DLG2: variants seen among roughly 807,000 people sequenced by gnomAD.
The protein encoded by DLG2 is disks large homolog 2.
Under a neutral mutation model 132.5 loss-of-function variants are expected in DLG2, and 45 were observed. The ratio of observed to expected loss-of-function variants is 0.34; its 90% CI spans 0.27 to 0.44. The LOEUF is 0.44. DLG2 is among the 20% of genes least tolerant of loss of function. The pLI, the probability that DLG2 is intolerant of heterozygous loss-of-function variation, is 1.00. For synonymous variants in DLG2, 424 were observed against 419.6 expected (o/e 1.01, Z -0.13); for missense variants, 1,045 against 1,196.9 (o/e 0.87, Z 1.87).
chr11:85,000,833 C>T (rs1307377946), intron 6 of DLG2, among the ~76,000 whole-genome samples: 2 of 152,054 alleles, frequency 1.3e-5, no homozygotes, highest in Non-Finnish European at 2.9e-5. Flanking sequence ...ATAAATTACA[C>T]GTGCAATTTT....
intron 6 of DLG2, among the ~76,000 whole-genome samples, chr11:84,974,099 G>A (rs2054520612): frequency 6.6e-6 from 1 of 152,158 alleles, no homozygotes; most frequent in Admixed American, 6.5e-5. Context: ...AAGTAGGAGA[G>A]GGAAAGCCAA....
intron 4 of DLG2, among the ~76,000 whole-genome samples, chr11:85,250,306 C>T (rs140707107): frequency 1.4e-4 from 22 of 152,254 alleles, no homozygotes; most frequent in Non-Finnish European, 2.8e-4. Context: ...CTTTGTCAAA[C>T]ATTTACTGTC....
At chr11:83,853,714 A>G (rs2060111241) in intron 16 of DLG2, among the ~76,000 whole-genome samples, 2 of 152,138 alleles carry the variant, frequency 1.3e-5, no homozygotes, top group Non-Finnish European at 2.9e-5. Flanking sequence ...GTAAACTAGG[A>G]ATAGGGGAAC....
intron 6 of DLG2, among the ~76,000 whole-genome samples, chr11:84,945,621 G>T (rs569143295): frequency 6.6e-6 from 1 of 152,284 alleles, no homozygotes; most frequent in South Asian, 2.1e-4. Flanking sequence ...CAGAAATCCA[G>T]CTAGGCTTAT....
chr11:84,139,404 GGAGGTA>G (rs2094743098), intron 9 of DLG2, among the ~76,000 whole-genome samples: 1 of 152,108 alleles, frequency 6.6e-6, no homozygotes, highest in Non-Finnish European at 1.5e-5. Flanking sequence ...AAAGAAATGT[GGAGGTA>G]GATGAATCTT....
At chr11:84,813,386 T>C (rs956032686) in intron 6 of DLG2, among the ~76,000 whole-genome samples, 2 of 152,046 alleles carry the variant, frequency 1.3e-5, no homozygotes, top group Non-Finnish European at 2.9e-5. Context: ...CCGGAGGAGA[T>C]AACTGAGGTA....
intron 6 of DLG2, among the ~76,000 whole-genome samples, chr11:84,737,520 G>A (rs1010504677): frequency 6.6e-6 from 1 of 151,808 alleles, no homozygotes; most frequent in Non-Finnish European, 1.5e-5. Context: ...GAGAGAGAGA[G>A]AGAGAGAATG....
chr11:83,695,469 G>A (rs1489626743), intron 18 of DLG2, among the ~76,000 whole-genome samples: 1 of 152,220 alleles, frequency 6.6e-6, no homozygotes, highest in Non-Finnish European at 1.5e-5. Flanking sequence ...CTAGCTGGGT[G>A]CAGTGGCTCA....
intron 21 of DLG2, among the ~76,000 whole-genome samples, chr11:83,503,427 A>AGATC (rs1240194672): frequency 3.1e-5 from 4 of 128,944 alleles, no homozygotes; most frequent in Non-Finnish European, 6.7e-5. Flanking sequence ...ATATATAGAT[A>AGATC]GATCTAATAG....
intron 18 of DLG2, among the ~76,000 whole-genome samples, chr11:83,668,739 GTATA>G (rs1306117672): frequency 2.2e-5 from 3 of 134,264 alleles, no homozygotes; most frequent in African/African-American, 8.5e-5. Flanking sequence ...ATATATATGT[GTATA>G]TAAACACACA....
At chr11:83,505,852 G>T (rs1168488599) in intron 21 of DLG2, among the ~76,000 whole-genome samples, 1 of 152,182 alleles carries the variant, frequency 6.6e-6, no homozygotes, top group East Asian at 1.9e-4. Context: ...TGGATATCGT[G>T]CAGAATCATC....
At chr11:84,982,284 A>G (rs2055869773) in intron 6 of DLG2, among the ~76,000 whole-genome samples, 2 of 152,246 alleles carry the variant, frequency 1.3e-5, no homozygotes, top group South Asian at 4.1e-4. Context: ...TAGCTATCTT[A>G]AAGGTACATC....
intron 6 of DLG2, among the ~76,000 whole-genome samples, chr11:84,802,427 G>T (rs2075509051): frequency 1.3e-5 from 2 of 152,118 alleles, no homozygotes; most frequent in Admixed American, 1.3e-4. Flanking sequence ...AAGGATTAGG[G>T]CAAGAGAGAA....
chr11:84,506,212 A>C (rs1363502971), intron 7 of DLG2, among the ~76,000 whole-genome samples: 12 of 150,882 alleles, frequency 8.0e-5, no homozygotes. Context: ...AGTAGCTGGG[A>C]CTACAGGCGC....
intron 9 of DLG2, among the ~76,000 whole-genome samples, chr11:84,120,207 A>G (rs1054082279): frequency 4.6e-5 from 7 of 152,070 alleles, no homozygotes; most frequent in Non-Finnish European, 1.0e-4. Flanking sequence ...CAACTATAAA[A>G]CCTTGTCCCT....
intron 6 of DLG2, among the ~76,000 whole-genome samples, chr11:85,048,489 T>C (rs1015810859): frequency 1.3e-5 from 2 of 151,942 alleles, no homozygotes; most frequent in East Asian, 1.9e-4. Context: ...CAATCATACA[T>C]TGTCTTTTCC....
intron 13 of DLG2, 129 bp from the exon 14 acceptor site, chr11:83,963,152 C>A (rs7936991): frequency 0.12 from 113,182 of 974,224 alleles, 7,956 homozygotes; most frequent in African/African-American, 0.27. Context: ...CTTGTCCTCC[C>A]AGAGGGGGGA....
intron 4 of DLG2, among the ~76,000 whole-genome samples, chr11:85,250,203 T>C (rs779046391): frequency 6.6e-6 from 1 of 152,138 alleles, no homozygotes; most frequent in Non-Finnish European, 1.5e-5. Flanking sequence ...TCAAGTATCA[T>C]AAATGCGTTT....
At chr11:85,212,425 A>G (rs1267376242) in intron 4 of DLG2, among the ~76,000 whole-genome samples, 1 of 152,122 alleles carries the variant, frequency 6.6e-6, no homozygotes, top group Non-Finnish European at 1.5e-5. Flanking sequence ...TAGAAATTCT[A>G]CTTGGTCTGA....
Sources: gnomAD v4.1 joint callset for allele counts (sites outside exome capture counted in the v4.1 genomes callset) on GRCh38, gnomAD v4.1.1 for gene constraint, MANE v1.5 for transcripts, NCBI Gene and HGNC (gene_info 2026-07-23, HGNC 2026-07-21) for gene names.